The following SNTB1 variants were observed in gnomAD, a reference collection of about 807,000 sequenced individuals.
SNTB1 encodes the protein beta-1-syntrophin.
In SNTB1, 36 loss-of-function variants were observed where a neutral mutation model predicts 48.9. The ratio of observed to expected loss-of-function variants is 0.74; its 90% CI spans 0.56 to 0.97. SNTB1 has a LOEUF of 0.97. Among genes scored for constraint, SNTB1 ranks in the 50% least tolerant of loss-of-function variants. The pLI, the probability that SNTB1 is intolerant of heterozygous loss-of-function variation, is 0.00. For missense variants in SNTB1, 786 were observed against 703.4 expected (o/e 1.12, Z -1.33); for synonymous variants, 299 against 294.6 (o/e 1.01, Z -0.15).
chr8:120,801,144 T>G (rs1205198793), intron 1 of SNTB1, among the ~76,000 whole-genome samples: 1 of 151,974 alleles, frequency 6.6e-6, no homozygotes, highest in Non-Finnish European at 1.5e-5. Context: ...GAGGAAAATA[T>G]AGGAATATTA....
chr8:120,628,286 C>A lies in SNTB1; in HGVS notation c.996+4158G>T, dbSNP rs529029632. ...ACTGTTTTTCTAAGTAGCAAGAGAGCTAGAACTTAGCTTGTTTTTCTCTTA... is the reference window on the plus strand; with the variant it reads ...ACTGTTTTTCTAAGTAGCAAGAGAGATAGAACTTAGCTTGTTTTTCTCTTA... On this transcript the variant is annotated intron_variant, in intron 3 of 6. Coordinates refer to ENST00000517992, the MANE Select transcript of SNTB1 (RefSeq NM_021021.4). 9.2e-5 allele frequency among the ~76,000 whole-genome samples: 14 copies of A among 152,254 alleles called. 2 individuals carry two copies. The South Asian group carries it at 2.7e-3, about 29-fold the overall frequency.
chr8:120,651,878 G>A (rs913271712), intron 2 of SNTB1, among the ~76,000 whole-genome samples: 6 of 152,184 alleles, frequency 3.9e-5, no homozygotes, highest in African/African-American at 1.4e-4. Context: ...GGACAGAACA[G>A]TGAGAATAAT....
At chr8:120,588,729 A>C (rs58181006) in intron 3 of SNTB1, among the ~76,000 whole-genome samples, 30,416 of 152,118 alleles carry the variant, frequency 0.2, 3,141 homozygotes, top group Middle Eastern at 0.3. Flanking sequence ...GACTGTTAGG[A>C]GGATGGAATT....
intron 2 of SNTB1, among the ~76,000 whole-genome samples, chr8:120,670,018 C>T (rs1380310638): frequency 2.6e-5 from 4 of 152,190 alleles, no homozygotes; most frequent in African/African-American, 9.7e-5. Context: ...TCTAAGGTTC[C>T]TTTCAACTCA....
At chr8:120,643,233 T>G (rs981332399) in intron 2 of SNTB1, among the ~76,000 whole-genome samples, 4 of 152,238 alleles carry the variant, frequency 2.6e-5, no homozygotes, top group Non-Finnish European at 5.9e-5. Context: ...TCTGATCTGG[T>G]CTTCAAAGGC....
At chr8:120,551,725 C>CA (rs764008790) in intron 4 of SNTB1, among the ~76,000 whole-genome samples, 3,569 of 41,004 alleles carry the variant, frequency 0.087, 329 homozygotes, top group African/African-American at 0.2. Flanking sequence ...GACTCCATCT[C>CA]AAAAAAAAAA....
At position 120,538,936 on chromosome 8, in the gene SNTB1, C is replaced by G; in HGVS notation, c.1558G>C (p.Val520Leu). Residue 520 changes from valine (V) to leucine (L), a missense_variant, in exon 7 of 7, where the codon GTT becomes CTT. Val to Leu is a conservative substitution (Grantham distance 32). Transcript: ENST00000517992. The stretch of plus-strand genomic sequence containing the variant: ...GACAGGAAGGAATGAATGATGAAAA[C>G]AATTGGCTTGGGGCAGGAATGAAGG... ...LDLHSCPKPI[V>L]FIIHSFLSAK... 1 of 1,613,658 alleles carries G rather than the reference C, an allele frequency of 6.2e-7. No homozygotes were observed. The highest frequency in any genetic ancestry group is 8.5e-7 in the Non-Finnish European group (1 of 1,179,768).
chr8:120,808,999 T>C (rs1430080828), intron 1 of SNTB1, among the ~76,000 whole-genome samples: 1 of 152,196 alleles, frequency 6.6e-6, no homozygotes, highest in Non-Finnish European at 1.5e-5. Context: ...CTCTCCTATG[T>C]AGAAACTCTG....
intron 1 of SNTB1, chr8:120,769,345 T>G (rs1011401004): frequency 1.1e-4 from 17 of 152,182 alleles, no homozygotes; most frequent in Admixed American, 1.1e-3. Context: ...ACATAGTAAA[T>G]ATGACCGCAC....
chr8:120,709,683 C>T (rs1430623830), intron 1 of SNTB1, among the ~76,000 whole-genome samples: 5 of 152,170 alleles, frequency 3.3e-5, no homozygotes, highest in African/African-American at 1.2e-4. Flanking sequence ...AGTTGTGATT[C>T]AAGCCTGATT....
chr8:120,552,259 T>C (rs1217848218), intron 4 of SNTB1, among the ~76,000 whole-genome samples: 5 of 152,206 alleles, frequency 3.3e-5, no homozygotes, highest in Admixed American at 3.3e-4. Flanking sequence ...ATGGAATTAC[T>C]AAGAGAAAGG....
At chr8:120,613,272 A>G (rs1816654753) in intron 3 of SNTB1, among the ~76,000 whole-genome samples, 1 of 151,750 alleles carries the variant, frequency 6.6e-6, no homozygotes, top group Non-Finnish European at 1.5e-5. Context: ...AATTGCTTGA[A>G]CCCAGGAGGT....
chr8:120,775,670 GGGAGGGAGGAAGGAAGGAA>G (rs896935113), intron 1 of SNTB1: 2 of 147,288 alleles, frequency 1.4e-5, no homozygotes, highest in Non-Finnish European at 3.0e-5. Context: ...GAAGTAAGGA[GGGAGGGAGGAAGGAAGGAA>G]GGAGGGAGGG....
chr8:120,753,119 G>A (rs539947346), intron 1 of SNTB1, among the ~76,000 whole-genome samples: 17 of 152,070 alleles, frequency 1.1e-4, no homozygotes, highest in South Asian at 4.2e-4. Flanking sequence ...GAACATCACA[G>A]TTGGGCCATC....
chr8:120,665,164 A>G (rs745682991), intron 2 of SNTB1, among the ~76,000 whole-genome samples: 2 of 151,922 alleles, frequency 1.3e-5, no homozygotes, highest in Non-Finnish European at 2.9e-5. Context: ...AAATATATAG[A>G]CTCTTGGCTG....
chr8:120,552,935 G>C (rs1327106009), intron 4 of SNTB1, among the ~76,000 whole-genome samples: 1 of 152,032 alleles, frequency 6.6e-6, no homozygotes, highest in Non-Finnish European at 1.5e-5. Context: ...TCAGGCATTA[G>C]ATTCTCATAA....
intron 1 of SNTB1, among the ~76,000 whole-genome samples, chr8:120,707,781 T>G (rs1451982080): frequency 6.6e-6 from 1 of 152,190 alleles, no homozygotes; most frequent in African/African-American, 2.4e-5. Flanking sequence ...CCTTTCACCA[T>G]AATCACAGAT....
intron 2 of SNTB1, among the ~76,000 whole-genome samples, chr8:120,650,033 C>G (rs972352756): frequency 6.6e-6 from 1 of 151,762 alleles, no homozygotes; most frequent in African/African-American, 2.4e-5. Flanking sequence ...GGCTCGCGCA[C>G]GGTGCACGCA....
At chr8:120,602,738 A>G (rs1039022940) in intron 3 of SNTB1, among the ~76,000 whole-genome samples, 4 of 151,878 alleles carry the variant, frequency 2.6e-5, no homozygotes, top group Non-Finnish European at 5.9e-5. Flanking sequence ...TTTCTATTCT[A>G]TTTAATTAAG....
Sources: allele counts gnomAD v4.1 joint callset (sites outside exome capture counted in the v4.1 genomes callset), GRCh38; gene constraint gnomAD v4.1.1; transcripts MANE v1.5; gene names NCBI Gene and HGNC (gene_info 2026-07-23, HGNC 2026-07-21).